Variants in GTF2E2 observed in about 807,000 individuals in gnomAD.
The protein encoded by GTF2E2 is general transcription factor IIE subunit 2, also known as transcription initiation factor IIE subunit beta.
GTF2E2 carries 21 observed loss-of-function variants against 40.5 expected under a neutral mutation model. That is an observed-to-expected ratio of 0.52 (90% CI 0.37 to 0.75). GTF2E2 has a LOEUF of 0.75. Ranked by LOEUF, GTF2E2 falls within the 30% of genes least tolerant of loss-of-function variation. GTF2E2 has a pLI of 0.00. For synonymous variants in GTF2E2, 117 were observed against 121.6 expected, an observed-to-expected ratio of 0.96 and a Z score of 0.25; for missense variants, 298 against 338.4, an observed-to-expected ratio of 0.88 and a Z score of 0.94.
chr8:30,652,860 C>T (rs1039252916), intron 2 of GTF2E2, among the ~76,000 whole-genome samples: 29 of 152,088 alleles, frequency 1.9e-4, no homozygotes, highest in African/African-American at 6.0e-4. Context: ...TATATCCATA[C>T]TATGGAATAC....
intron 2 of GTF2E2, 33 bp from the exon 3 acceptor site, chr8:30,635,156 T>A: frequency 9.0e-7 from 1 of 1,115,596 alleles, no homozygotes; most frequent in Non-Finnish European, 1.4e-6. Flanking sequence ...CATCGTCATA[T>A]TATGTGTGAT....
At chr8:30,631,454 G>A (rs1801436916) in intron 3 of GTF2E2, among the ~76,000 whole-genome samples, 1 of 152,134 alleles carries the variant, frequency 6.6e-6, no homozygotes, top group African/African-American at 2.4e-5. Flanking sequence ...TACTTTCTAG[G>A]ACTGCCAAGT....
intron 2 of GTF2E2, among the ~76,000 whole-genome samples, chr8:30,635,404 C>G (rs1030336674): frequency 6.6e-6 from 1 of 151,944 alleles, no homozygotes; most frequent in Non-Finnish European, 1.5e-5. Context: ...TTTTTTGAGA[C>G]AGGGTCGCAT....
intron 3 of GTF2E2, among the ~76,000 whole-genome samples, chr8:30,631,644 T>TA (rs1258716878): frequency 6.6e-6 from 1 of 152,204 alleles, no homozygotes; most frequent in Non-Finnish European, 1.5e-5. Flanking sequence ...TGACAAAAAA[T>TA]AAGATATGCT....
chr8:30,616,919 C>T (rs535300884), intron 3 of GTF2E2, among the ~76,000 whole-genome samples: 2 of 152,076 alleles, frequency 1.3e-5, no homozygotes, highest in Admixed American at 6.5e-5. Context: ...TACATTTGAA[C>T]TTTGTTTCTG....
At chr8:30,604,700 T>C (rs1316350707) in intron 6 of GTF2E2, among the ~76,000 whole-genome samples, 2 of 152,242 alleles carry the variant, frequency 1.3e-5, no homozygotes, top group Non-Finnish European at 2.9e-5. Flanking sequence ...GCATGTTTAA[T>C]TTCTGCATCA....
chr8:30,647,794 T>TG (rs1312089928), intron 2 of GTF2E2, among the ~76,000 whole-genome samples: 2 of 152,252 alleles, frequency 1.3e-5, no homozygotes, highest in Non-Finnish European at 2.9e-5. Context: ...TGGCAATAGA[T>TG]GGTAAGTATA....
rs1364054518 is a variant in GTF2E2 at position 30,579,002 on chromosome 8, C to G, written c.795G>C (p.Gln265His). 6.2e-7 allele frequency: 1 copy of G among 1,609,020 alleles called. No homozygotes were observed. Among genetic ancestry groups the G allele is most frequent in the Non-Finnish European group, 8.5e-7 (1 of 1,175,490 alleles). ...PIQRRKKPAS[Q>H]KKRRFKTHNE... Reference sequence around the variant, plus strand: ...TATGAGTCTTAAAGCGTCGCTTTTTCTGTGAAGCAGGCTTTTTCCTTCTCT... The same window carrying G: ...TATGAGTCTTAAAGCGTCGCTTTTTGTGTGAAGCAGGCTTTTTCCTTCTCT... The change falls in exon 8 of 8, where the codon CAG (glutamine) becomes CAC (histidine). Residue 265 changes from glutamine to histidine, a missense_variant. Coordinates refer to ENST00000355904, the MANE Select transcript of GTF2E2 (RefSeq NM_002095.6).
At chr8:30,598,938 C>A (rs1436601758) in intron 6 of GTF2E2, among the ~76,000 whole-genome samples, 1 of 152,142 alleles carries the variant, frequency 6.6e-6, no homozygotes, top group Non-Finnish European at 1.5e-5. Context: ...GCAGGAGGAT[C>A]GTTTGGCCCA....
Position 30,612,401 on chromosome 8 carries a change from C to T in GTF2E2, c.447G>A (p.Lys149=), listed in dbSNP as rs375938756. 2 of 1,611,782 alleles carry T rather than the reference C, an allele frequency of 1.2e-6. No homozygotes were observed. Among genetic ancestry groups the T allele is most frequent in the Non-Finnish European group, 1.7e-6 (2 of 1,177,952 alleles). ...GCTGATCTAAGAGCCTAAGTAGGGCCTTCTTATCTCTCACGTTGTACTTGG... is the reference window on the plus strand; with the variant it reads ...GCTGATCTAAGAGCCTAAGTAGGGCTTTCTTATCTCTCACGTTGTACTTGG... The part of the protein sequence containing the change: ...FKPKYNVRDK[K]ALLRLLDQHD... The change falls in exon 5 of 8, where the codon AAG becomes AAA. Residue 149 remains lysine, a synonymous_variant. Coordinates refer to ENST00000355904, the MANE Select transcript of GTF2E2 (RefSeq NM_002095.6).
At chr8:30,625,981 G>A (rs1481013432) in intron 3 of GTF2E2, among the ~76,000 whole-genome samples, 1 of 152,176 alleles carries the variant, frequency 6.6e-6, no homozygotes, top group Non-Finnish European at 1.5e-5. Context: ...CAAAAGCATA[G>A]TAGGCTGACA....
intron 3 of GTF2E2, among the ~76,000 whole-genome samples, chr8:30,634,204 T>A (rs1801516984): frequency 6.6e-6 from 1 of 152,202 alleles, no homozygotes; most frequent in Non-Finnish European, 1.5e-5. Context: ...GCCAAACACT[T>A]TGGGAGACCG....
intron 6 of GTF2E2, among the ~76,000 whole-genome samples, chr8:30,594,269 C>CTTTTTTTTTT (rs1828932418): frequency 6.8e-6 from 1 of 146,618 alleles, no homozygotes; most frequent in African/African-American, 2.5e-5. Context: ...CTTTTTTTTT[C>CTTTTTTTTTT]TTTTTTTAGA....
chr8:30,638,222 T>G (rs939471362), intron 2 of GTF2E2, among the ~76,000 whole-genome samples: 4 of 152,224 alleles, frequency 2.6e-5, no homozygotes, highest in Admixed American at 2.0e-4. Context: ...TATGCACACT[T>G]CCTGAAGGAA....
chr8:30,599,267 A>G (rs1180445233), intron 6 of GTF2E2, among the ~76,000 whole-genome samples: 1 of 130,508 alleles, frequency 7.7e-6, no homozygotes. Context: ...GAGCAAAAAA[A>G]TAAAACCAAA....
chr8:30,591,171 A>G (rs1388418531), intron 6 of GTF2E2, among the ~76,000 whole-genome samples: 1 of 152,200 alleles, frequency 6.6e-6, no homozygotes, highest in East Asian at 1.9e-4. Flanking sequence ...AAAGGATTTC[A>G]ATACACATTT....
At chr8:30,635,705 T>C (rs917564769) in intron 2 of GTF2E2, among the ~76,000 whole-genome samples, 7 of 152,138 alleles carry the variant, frequency 4.6e-5, no homozygotes, top group Non-Finnish European at 4.4e-5. Context: ...ATCTCATTCT[T>C]ATCTTAACTC....
intron 6 of GTF2E2, among the ~76,000 whole-genome samples, chr8:30,593,794 T>C (rs541316691): frequency 6.6e-6 from 1 of 152,328 alleles, no homozygotes; most frequent in Admixed American, 6.5e-5. Flanking sequence ...TGTCCTTCTT[T>C]AATCCTTGGT....
At chr8:30,635,839 T>G (rs1801581881) in intron 2 of GTF2E2, among the ~76,000 whole-genome samples, 1 of 152,150 alleles carries the variant, frequency 6.6e-6, no homozygotes, top group Non-Finnish European at 1.5e-5. Flanking sequence ...AAGTTCAATA[T>G]ACCACTTTTT....
Sources: allele counts gnomAD v4.1 joint callset (sites outside exome capture counted in the v4.1 genomes callset), GRCh38; gene constraint gnomAD v4.1.1; transcripts MANE v1.5; gene names NCBI Gene and HGNC (gene_info 2026-07-23, HGNC 2026-07-21).